Variants in SHISA9 observed in about 807,000 individuals in gnomAD.
SHISA9 encodes shisa family member 9.
SHISA9 carries 13 observed loss-of-function variants against 38.0 expected under a neutral mutation model. The observed-to-expected ratio is 0.34, with a 90% CI of 0.22 to 0.54. The LOEUF is 0.54. SHISA9 is among the 20% of genes least tolerant of loss of function. SHISA9 has a pLI of 0.91. For missense variants in SHISA9, 538 were observed against 575.8 expected (o/e 0.93, Z 0.67); for synonymous variants, 275 against 242.0 (o/e 1.14, Z -1.27).
the SHISA9 span, among the ~76,000 whole-genome samples, chr16:13,521,970 A>C: frequency 1.3e-5 from 2 of 152,194 alleles, no homozygotes; most frequent in Non-Finnish European, 2.9e-5. Context: ...TTATTTTTGC[A>C]TGAAGCCCAC....
At chr16:13,212,197 C>T (rs1596736598) in intron 3 of SHISA9, among the ~76,000 whole-genome samples, 1 of 152,220 alleles carries the variant, frequency 6.6e-6, no homozygotes, top group African/African-American at 2.4e-5. Context: ...GGAAATAGTG[C>T]CAAACTGTTG....
At chr16:13,315,728 T>C in the SHISA9 span, among the ~76,000 whole-genome samples, 2 of 152,214 alleles carry the variant, frequency 1.3e-5, no homozygotes, top group Non-Finnish European at 2.9e-5. Context: ...TGGTGCATAA[T>C]ATAGTTAGCT....
the SHISA9 span, among the ~76,000 whole-genome samples, chr16:13,247,055 G>T: frequency 6.6e-6 from 1 of 151,678 alleles, no homozygotes; most frequent in Non-Finnish European, 1.5e-5. Flanking sequence ...GTTCCACGTG[G>T]CTGGGAGGCC....
At chr16:12,922,910 G>A (rs866361072) in intron 2 of SHISA9, among the ~76,000 whole-genome samples, 34 of 152,172 alleles carry the variant, frequency 2.2e-4, no homozygotes, top group African/African-American at 7.2e-4. Context: ...AGCTGCAGGG[G>A]AGAAAATGCT....
At chr16:13,084,203 C>G (rs1177893212) in intron 2 of SHISA9, among the ~76,000 whole-genome samples, 1 of 152,186 alleles carries the variant, frequency 6.6e-6, no homozygotes, top group Non-Finnish European at 1.5e-5. Flanking sequence ...TCCAAGTTCA[C>G]AGAGAGAGTC....
chr16:13,053,543 T>TC (rs1473194254), intron 2 of SHISA9, among the ~76,000 whole-genome samples: 11 of 152,212 alleles, frequency 7.2e-5, no homozygotes, highest in African/African-American at 2.7e-4. Context: ...TCCAGAGTTT[T>TC]CCCATCCACA....
chr16:13,160,224 G>C (rs2050583388), intron 2 of SHISA9, among the ~76,000 whole-genome samples: 1 of 152,158 alleles, frequency 6.6e-6, no homozygotes, highest in Admixed American at 6.5e-5. Flanking sequence ...TCTGGGTACA[G>C]ATGAAGGATT....
the SHISA9 span, among the ~76,000 whole-genome samples, chr16:13,503,378 T>C: frequency 6.6e-6 from 1 of 152,186 alleles, no homozygotes; most frequent in African/African-American, 2.4e-5. Context: ...CTTAAAACAA[T>C]AATAATTTAT....
At chr16:12,905,962 C>G (rs768332038) in intron 1 of SHISA9, among the ~76,000 whole-genome samples, 11 of 152,186 alleles carry the variant, frequency 7.2e-5, no homozygotes, top group Non-Finnish European at 1.5e-4. Context: ...CTGGGGCTAC[C>G]CCAGGTACCT....
the SHISA9 span, among the ~76,000 whole-genome samples, chr16:13,309,772 G>T: frequency 6.6e-6 from 1 of 151,886 alleles, no homozygotes; most frequent in Non-Finnish European, 1.5e-5. Flanking sequence ...TAGATAATGG[G>T]TCATGACCAC....
At chr16:13,109,583 A>T (rs938501569) in intron 2 of SHISA9, among the ~76,000 whole-genome samples, 1 of 152,214 alleles carries the variant, frequency 6.6e-6, no homozygotes, top group East Asian at 1.9e-4. Context: ...ATACAATTCA[A>T]TGATTTTTAG....
the SHISA9 span, chr16:13,258,233 T>G: frequency 6.6e-6 from 1 of 152,200 alleles, no homozygotes; most frequent in African/African-American, 2.4e-5. Context: ...TTCTGGTTCA[T>G]TAGGGAGTCA....
At chr16:13,095,148 G>A (rs1016713691) in intron 2 of SHISA9, among the ~76,000 whole-genome samples, 6 of 152,180 alleles carry the variant, frequency 3.9e-5, no homozygotes, top group African/African-American at 1.4e-4. Context: ...GTTGTTCCTG[G>A]CCATACTTGT....
chr16:12,933,652 G>A (rs1276536203), intron 2 of SHISA9, among the ~76,000 whole-genome samples: 1 of 152,152 alleles, frequency 6.6e-6, no homozygotes, highest in Admixed American at 6.6e-5. Context: ...ATAACAAAGG[G>A]AAACATAAAG....
chr16:12,993,342 G>T (rs1218101708), intron 2 of SHISA9, among the ~76,000 whole-genome samples: 1 of 152,182 alleles, frequency 6.6e-6, no homozygotes, highest in Non-Finnish European at 1.5e-5. Context: ...TAACACAGTA[G>T]TTAATTGCAT....
In SHISA9 at chr16:13,235,789, A is replaced by G. The variant is rs543905041; in HGVS notation, c.*380A>G. ...TATAAAAGTAGCACAATTTAGAGAAATTGTCCATTTGAGCACATACACTAC... is the reference window on the plus strand; with the variant it reads ...TATAAAAGTAGCACAATTTAGAGAAGTTGTCCATTTGAGCACATACACTAC... On this transcript the variant is annotated 3_prime_UTR_variant, in exon 5 of 5. Coordinates refer to ENST00000558583, the MANE Select transcript of SHISA9 (RefSeq NM_001145204.3). 17 of 210,040 alleles carry G rather than the reference A, an allele frequency of 8.1e-5. No homozygotes were observed. In the South Asian group the frequency reaches 1.6e-3, roughly 20 times the overall value. 13.0% of individuals were successfully genotyped at this position (210,040 alleles called of 1,614,324 possible). A position where few individuals can be genotyped will look rare whatever the true frequency, so the allele number is the denominator to read the frequency against.
At chr16:13,490,025 C>T in the SHISA9 span, among the ~76,000 whole-genome samples, 1 of 152,228 alleles carries the variant, frequency 6.6e-6, no homozygotes, top group Non-Finnish European at 1.5e-5. Flanking sequence ...TGGCAATATT[C>T]AACCACTTTA....
At position 12,911,129 on chromosome 16, in the gene SHISA9, G is replaced by A. The variant is rs76600212; in HGVS notation, c.564-5559G>A. 43 of 390,900 alleles carry A rather than the reference G, an allele frequency of 1.1e-4. No homozygotes were observed. In the East Asian group the frequency reaches 5.1e-3, roughly 47 times the overall value. The allele number at this position is 390,900 out of a possible 1,614,324, so 24.2% of individuals were successfully genotyped here. On this transcript the variant is annotated intron_variant, in intron 1 of 4. Coordinates refer to ENST00000558583, the MANE Select transcript of SHISA9 (RefSeq NM_001145204.3). ...CAGTACGCTTAGGGTCTTGTCACTCGGAGTGTGGCCTGTGAACCAGCAGCA... is the reference window on the plus strand; with the variant it reads ...CAGTACGCTTAGGGTCTTGTCACTCAGAGTGTGGCCTGTGAACCAGCAGCA...
chr16:13,355,710 G>T, the SHISA9 span, among the ~76,000 whole-genome samples: 1 of 152,188 alleles, frequency 6.6e-6, no homozygotes, highest in African/African-American at 2.4e-5. Flanking sequence ...GTAATGTGGA[G>T]TGGGTAGCCT....
Sources: gnomAD v4.1 joint callset for allele counts (sites outside exome capture counted in the v4.1 genomes callset) on GRCh38, gnomAD v4.1.1 for gene constraint, MANE v1.5 for transcripts, NCBI Gene and HGNC (gene_info 2026-07-23, HGNC 2026-07-21) for gene names.